Variants in CACNA2D1 observed in about 807,000 individuals in gnomAD.
CACNA2D1 encodes the protein voltage-dependent calcium channel subunit alpha-2/delta-1.
In CACNA2D1, 53 loss-of-function variants were observed where a neutral mutation model predicts 171.5. The ratio of observed to expected loss-of-function variants is 0.31; its 90% CI spans 0.25 to 0.39. The LOEUF (loss-of-function observed/expected upper bound fraction) is 0.39, where lower values mean the gene tolerates loss of function less well. CACNA2D1 is among the 10% of genes least tolerant of loss of function. The pLI, the probability that CACNA2D1 is intolerant of heterozygous loss-of-function variation, is 1.00. For missense variants in CACNA2D1, 903 were observed against 1,299.8 expected (o/e 0.69, Z 4.69); for synonymous variants, 442 against 443.1 (o/e 1.00, Z 0.03).
At position 81,947,132 on chromosome 7, in the gene CACNA2D1, C is replaced by T. The variant is rs937856494; in HGVS notation, c.*3260G>A. 1 of 151,856 alleles carries T rather than the reference C, an allele frequency of 6.6e-6. No homozygotes were observed. The highest frequency in any genetic ancestry group is 2.4e-5 in the African/African-American group (1 of 41,372). The allele number at this position is 151,856 out of a possible 1,614,324, so 9.4% of individuals were successfully genotyped here. On this transcript the variant is annotated 3_prime_UTR_variant, in exon 39 of 39. Transcript: ENST00000356860. ...TCAGAGTTTTAAATGAAGACAAAAT[C>T]TTAAGCTTTGTTGGTCACAGACAAA...
At chr7:82,176,247 T>C (rs1325092432) in intron 3 of CACNA2D1, among the ~76,000 whole-genome samples, 1 of 152,024 alleles carries the variant, frequency 6.6e-6, no homozygotes, top group African/African-American at 2.4e-5. Flanking sequence ...CATAACAGCA[T>C]AATACTTCCA....
chr7:82,177,344 TA>T (rs1585012170), intron 3 of CACNA2D1, among the ~76,000 whole-genome samples: 1 of 152,032 alleles, frequency 6.6e-6, no homozygotes, highest in Non-Finnish European at 1.5e-5. Flanking sequence ...AGTGTATTTT[TA>T]AAAAATATGT....
intron 3 of CACNA2D1, among the ~76,000 whole-genome samples, chr7:82,246,906 A>G (rs374260304): frequency 2.0e-4 from 31 of 152,238 alleles, no homozygotes; most frequent in African/African-American, 6.3e-4. Flanking sequence ...ACAAATACAC[A>G]CTTAAAGAAG....
rs1156508939 is a variant in CACNA2D1, at chr7:81,962,085, C to T, written c.2837-62G>A. 4 of 1,529,336 alleles carry T rather than the reference C, an allele frequency of 2.6e-6. No homozygotes were observed. In the African/African-American group the frequency reaches 4.1e-5, roughly 16 times the overall value. 94.7% of individuals were successfully genotyped at this position (1,529,336 alleles called of 1,614,324 possible). On this transcript the variant is annotated intron_variant, in intron 35 of 38. Coordinates refer to ENST00000356860, the MANE Select transcript of CACNA2D1 (RefSeq NM_000722.4). ...CCATTAGGAGGGGTCTCTGTAGTCA[C>T]TCCCCTCGAGTCTTCACTTCTCACA...
intron 5 of CACNA2D1, among the ~76,000 whole-genome samples, chr7:82,118,702 T>C (rs1021286366): frequency 6.6e-6 from 1 of 152,100 alleles, no homozygotes; most frequent in Non-Finnish European, 1.5e-5. Context: ...TTTAAATTCA[T>C]CTTATGGAGG....
intron 3 of CACNA2D1, 106 bp downstream of exon 3, chr7:82,335,029 T>G: frequency 2.5e-6 from 2 of 789,166 alleles, no homozygotes; most frequent in Non-Finnish European, 4.5e-6. Flanking sequence ...ATGAACACAG[T>G]TACTAAGAAG....
At chr7:82,050,381 G>A in intron 10 of CACNA2D1, 2 of 561,848 alleles carry the variant, frequency 3.6e-6, no homozygotes. Flanking sequence ...CAGAGGAGCA[G>A]AGTAACATCT....
intron 3 of CACNA2D1, among the ~76,000 whole-genome samples, chr7:82,294,511 A>G (rs1056843655): frequency 5.3e-5 from 8 of 152,126 alleles, no homozygotes; most frequent in Non-Finnish European, 8.8e-5. Context: ...GAGATGAGCT[A>G]TTTTATTCTG....
Position 82,032,228 on chromosome 7 carries a change from G to A in CACNA2D1, c.1143+569C>T, listed in dbSNP as rs147674700. On this transcript the variant is annotated intron_variant, in intron 12 of 38. Coordinates refer to ENST00000356860, the MANE Select transcript of CACNA2D1 (RefSeq NM_000722.4). ...CCAACTACAAACACTAATCTTCACAGTCTTCATTTGCTTATGAAATGCTTT... is the reference window on the plus strand; with the variant it reads ...CCAACTACAAACACTAATCTTCACAATCTTCATTTGCTTATGAAATGCTTT... Among the ~76,000 whole-genome samples the A allele has an allele frequency of 1.6e-3, 244 of 151,948 alleles. 4 individuals are homozygous for A. In the East Asian group the frequency reaches 0.018, roughly 11 times the overall value.
chr7:82,151,101 C>G (rs536371105), intron 4 of CACNA2D1, among the ~76,000 whole-genome samples: 99 of 152,200 alleles, frequency 6.5e-4, no homozygotes, highest in African/African-American at 2.2e-3. Flanking sequence ...AAAAGATTCT[C>G]AACAAATTCA....
intron 1 of CACNA2D1, among the ~76,000 whole-genome samples, chr7:82,401,181 T>A (rs543276356): frequency 6.6e-6 from 1 of 152,206 alleles, no homozygotes; most frequent in Non-Finnish European, 1.5e-5. Context: ...AGAAATACCA[T>A]TTGACGAAGC....
chr7:82,109,921 T>G (rs1414717030), intron 6 of CACNA2D1, among the ~76,000 whole-genome samples: 1 of 152,188 alleles, frequency 6.6e-6, no homozygotes, highest in Non-Finnish European at 1.5e-5. Context: ...GGTTCTATAT[T>G]CTTGTCCATG....
intron 3 of CACNA2D1, among the ~76,000 whole-genome samples, chr7:82,322,152 A>C (rs1381053260): frequency 7.1e-5 from 10 of 141,582 alleles, no homozygotes; most frequent in Non-Finnish European, 1.4e-4. Flanking sequence ...AAAAAAAAAA[A>C]AACAAGCTAA....
intron 7 of CACNA2D1, among the ~76,000 whole-genome samples, chr7:82,069,006 T>TGAAA (rs1281745386): frequency 6.6e-6 from 1 of 152,188 alleles, no homozygotes; most frequent in African/African-American, 2.4e-5. Flanking sequence ...ATTAATAATC[T>TGAAA]TCTCTTAGAG....
At chr7:82,297,174 C>T (rs1387460796) in intron 3 of CACNA2D1, among the ~76,000 whole-genome samples, 1 of 151,722 alleles carries the variant, frequency 6.6e-6, no homozygotes, top group Non-Finnish European at 1.5e-5. Context: ...TCCCTTGAGC[C>T]CAGGAGGCTG....
intron 3 of CACNA2D1, among the ~76,000 whole-genome samples, chr7:82,271,760 G>A (rs1360451591): frequency 6.6e-6 from 1 of 152,072 alleles, no homozygotes; most frequent in East Asian, 1.9e-4. Context: ...GACCAGCAAA[G>A]CAGCTAATTA....
chr7:82,349,235 T>C (rs967678717), intron 2 of CACNA2D1, among the ~76,000 whole-genome samples: 1 of 152,176 alleles, frequency 6.6e-6, no homozygotes, highest in Non-Finnish European at 1.5e-5. Flanking sequence ...TGAGGGATTA[T>C]TAAATATATT....
At chr7:82,369,129 A>G (rs16885177) in intron 1 of CACNA2D1, among the ~76,000 whole-genome samples, 14,729 of 152,062 alleles carry the variant, frequency 0.097, 2,285 homozygotes, top group African/African-American at 0.33. Context: ...TTAGGATGCT[A>G]TAAAATTTAC....
intron 1 of CACNA2D1, among the ~76,000 whole-genome samples, chr7:82,400,438 A>C (rs1210297411): frequency 1.3e-5 from 2 of 152,150 alleles, no homozygotes; most frequent in African/African-American, 4.8e-5. Context: ...AGTTGGATTA[A>C]AAACAAGCAA....
Sources: allele counts gnomAD v4.1 joint callset (sites outside exome capture counted in the v4.1 genomes callset), GRCh38; gene constraint gnomAD v4.1.1; transcripts MANE v1.5; gene names NCBI Gene and HGNC (gene_info 2026-07-23, HGNC 2026-07-21).